PPID: variants seen among roughly 807,000 people sequenced by gnomAD.
PPID encodes the protein peptidylprolyl isomerase D.
PPID carries 47 observed loss-of-function variants against 48.1 expected under a neutral mutation model. The observed-to-expected ratio is 0.98, with a 90% CI of 0.77 to 1.25. The LOEUF (loss-of-function observed/expected upper bound fraction) is 1.25, where lower values mean the gene tolerates loss of function less well. Among genes scored for constraint, PPID ranks in the 50% most tolerant of loss-of-function variants. PPID has a pLI of 0.00. For synonymous variants in PPID, 163 were observed against 148.8 expected (o/e 1.10, Z -0.69); for missense variants, 429 against 443.5 (o/e 0.97, Z 0.29).
intron 3 of PPID, among the ~76,000 whole-genome samples, chr4:158,717,983 A>G (rs935243738): frequency 1.3e-5 from 2 of 152,076 alleles, no homozygotes; most frequent in Non-Finnish European, 2.9e-5. Flanking sequence ...ATGTTTCATG[A>G]CACCCCCCAC....
At chr4:158,721,716 C>G (rs1171540567) in intron 1 of PPID, among the ~76,000 whole-genome samples, 2 of 152,170 alleles carry the variant, frequency 1.3e-5, no homozygotes, top group African/African-American at 2.4e-5. Flanking sequence ...AATTAGGTCT[C>G]TCGTGATCAA....
At position 158,719,177 on chromosome 4, in the gene PPID, T is replaced by G. The variant is rs531562473; in HGVS notation, c.333+3A>C. ...GCAATAACATGCATTTTCTCTACTTTACCTTGTAATGGAAATTTTCATCTT... is the reference window on the plus strand; with the variant it reads ...GCAATAACATGCATTTTCTCTACTTGACCTTGTAATGGAAATTTTCATCTT... On this transcript the variant is annotated splice_donor_region_variant and intron_variant, in intron 3 of 9. Transcript: ENST00000307720. 2 of 1,551,210 alleles carry G rather than the reference T, an allele frequency of 1.3e-6. No individual in the cohort carries two copies. Among genetic ancestry groups the G allele is most frequent in the Non-Finnish European group, 1.8e-6 (2 of 1,124,428 alleles).
rs1242026192 is a variant in PPID at position 158,713,245 on chromosome 4, T to A, written c.768A>T (p.Ser256=). Reference sequence around the variant, plus strand: ...TATCTGCTGTCTCAATAACAGCCTTTGAACTGTCCACGTATCTGCAGAATG... The same window carrying A: ...TATCTGCTGTCTCAATAACAGCCTTAGAACTGTCCACGTATCTGCAGAATG... ...YAEVLRYVDS[S]KAVIETADRA... is the part of the protein sequence containing the mutation. Residue 256 remains serine, a synonymous_variant, in exon 7 of 10, where the codon TCA becomes TCT. Coordinates refer to ENST00000307720, the MANE Select transcript of PPID (RefSeq NM_005038.3). The A allele has an allele frequency of 6.2e-7, 1 of 1,613,356 alleles. No individual in the cohort carries two copies. Among genetic ancestry groups the A allele is most frequent in the Non-Finnish European group, 8.5e-7 (1 of 1,179,798 alleles).
Position 158,713,743 on chromosome 4 carries a change from A to AT in PPID, c.753-484dup, listed in dbSNP as rs1350550671. On this transcript the variant is annotated intron_variant, in intron 6 of 9. Transcript: ENST00000307720. The stretch of plus-strand genomic sequence containing the variant: ...ATCAGAGGTCCTTGGAGAAACTGCC[A>AT]TATCAGATGTGAAAGTAAGGTAAGA... Among the ~76,000 whole-genome samples the AT allele has an allele frequency of 1.8e-4, 28 of 152,340 alleles. 1 individual carries two copies. Among genetic ancestry groups the AT allele is most frequent in the South Asian group, 1.2e-3 (6 of 4,824 alleles).
At chr4:158,716,957 TCAAAAAGATAG>T in intron 4 of PPID, 44 bp downstream of exon 4, 1 of 1,545,856 alleles carries the variant, frequency 6.5e-7, no homozygotes, top group Non-Finnish European at 8.9e-7. Context: ...AGACTCCGTC[TCAAAAAGATAG>T]CAACTAAGAT....
intron 2 of PPID, among the ~76,000 whole-genome samples, chr4:158,720,208 C>G (rs1774935180): frequency 6.6e-6 from 1 of 152,216 alleles, no homozygotes; most frequent in African/African-American, 2.4e-5. Flanking sequence ...GTACAAGTGT[C>G]AAGTTCCCAG....
chr4:158,717,096 A>G lies in PPID; in HGVS notation c.438T>C (p.His146=), dbSNP rs1432566041. The change falls in exon 4 of 10, where the codon CAT becomes CAC. Residue 146 remains histidine, a synonymous_variant. Coordinates refer to ENST00000307720, the MANE Select transcript of PPID (RefSeq NM_005038.3). The stretch of plus-strand genomic sequence containing the variant: ...CTTTAATTACTTGGCCAAACACCAC[A>G]TGTTTCCCATCCAAATGAGGAGTTG... ...TVPTPHLDGK[H]VVFGQVIKGI... 2 of 1,609,670 alleles carry G rather than the reference A, an allele frequency of 1.2e-6. No individual in the cohort carries two copies. Among genetic ancestry groups the G allele is most frequent in the African/African-American group, 2.7e-5 (2 of 74,786 alleles).
chr4:158,710,031 C>T (rs949768981), intron 9 of PPID: 2 of 551,306 alleles, frequency 3.6e-6, no homozygotes, highest in African/African-American at 3.8e-5. Context: ...TCAAGTACAT[C>T]AAGATTTGCC....
intron 6 of PPID, among the ~76,000 whole-genome samples, chr4:158,713,539 T>G (rs1774823368): frequency 1.3e-5 from 2 of 152,232 alleles, no homozygotes; most frequent in African/African-American, 4.8e-5. Flanking sequence ...CACTATGTAC[T>G]TTCCAACATA....
chr4:158,715,916 T>C (rs957273036), intron 4 of PPID, among the ~76,000 whole-genome samples: 1 of 152,136 alleles, frequency 6.6e-6, no homozygotes, highest in South Asian at 2.1e-4. Flanking sequence ...AGTTGGCAAT[T>C]TTATCATTGT....
chr4:158,721,355 G>A lies in PPID; in HGVS notation c.214C>T (p.Pro72Ser), dbSNP rs1410262229. The A allele has an allele frequency of 1.2e-6, 2 of 1,613,886 alleles. No individual in the cohort carries two copies. The highest frequency in any genetic ancestry group is 2.7e-5 in the African/African-American group (2 of 74,886). The part of the protein sequence containing the change: ...TGKPLHFKGC[P>S]FHRIIKKFMI... ...AATTTACACATACTTCGATGAAAAG[G>A]GCATCCTTTGAAATGGAGAGGTTTC... The change falls in exon 2 of 10, where the codon CCT (proline) becomes TCT (serine). Residue 72 changes from proline (P) to serine (S), a missense_variant. Transcript: ENST00000307720.
chr4:158,714,705 C>T (rs1774842040), intron 6 of PPID, among the ~76,000 whole-genome samples: 1 of 151,988 alleles, frequency 6.6e-6, no homozygotes, highest in South Asian at 2.1e-4. Flanking sequence ...ATTCTTGTGC[C>T]TCAGCCTCCC....
Position 158,723,337 on chromosome 4 carries a change from C to T in PPID, c.-49G>A. 1 of 1,556,958 alleles carries T rather than the reference C, an allele frequency of 6.4e-7. No individual in the cohort carries two copies. The highest frequency in any genetic ancestry group is 1.1e-5 in the South Asian group (1 of 89,158). On this transcript the variant is annotated 5_prime_UTR_variant, in exon 1 of 10. Transcript: ENST00000307720. ...ACGGAATATCAGAGTACCTAGTGGC[C>T]GCCCGGGCCGCCCAAACTCCAGAGT...
intron 6 of PPID, among the ~76,000 whole-genome samples, chr4:158,713,860 T>A (rs913324006): frequency 2.6e-5 from 4 of 152,004 alleles, no homozygotes; most frequent in Non-Finnish European, 4.4e-5. Flanking sequence ...CCTTTGGGCA[T>A]GAAAAAGAAT....
At chr4:158,722,051 CTTCAT>C (rs1774971860) in intron 1 of PPID, among the ~76,000 whole-genome samples, 1 of 152,168 alleles carries the variant, frequency 6.6e-6, no homozygotes, top group African/African-American at 2.4e-5. Context: ...GACATACAAA[CTTCAT>C]TTCCTTTGAA....
chr4:158,713,075 C>T, intron 7 of PPID, 44 bp downstream of exon 7: 1 of 1,597,734 alleles, frequency 6.3e-7, no homozygotes, highest in Non-Finnish European at 8.6e-7. Flanking sequence ...CAAACTAAGT[C>T]TTAATCCAAC....
At position 158,721,443 on chromosome 4, in the gene PPID, G is replaced by A; in HGVS notation, c.126C>T (p.Pro42=). ...GTGCACGAAAATTTTCCGCAGTTTT[G>A]GGTACGATATCTGCAAACAATTCTA... The part of the protein sequence containing the change: ...IVLELFADIV[P]KTAENFRALC... The change falls in exon 2 of 10, where the codon CCC becomes CCT. Residue 42 remains proline (P), a synonymous_variant. Coordinates refer to ENST00000307720, the MANE Select transcript of PPID (RefSeq NM_005038.3). 1 of 1,614,012 alleles carries A rather than the reference G, an allele frequency of 6.2e-7. No individual in the cohort carries two copies. Among genetic ancestry groups the A allele is most frequent in the South Asian group, 1.1e-5 (1 of 91,080 alleles).
intron 2 of PPID, 134 bp downstream of exon 2, chr4:158,721,209 C>G (rs1017097488): frequency 9.6e-7 from 1 of 1,046,518 alleles, no homozygotes; most frequent in African/African-American, 1.6e-5. Context: ...TACGAAACTG[C>G]GTTACTGCCT....
chr4:158,719,667 T>G (rs1774926513), intron 2 of PPID, among the ~76,000 whole-genome samples: 1 of 152,226 alleles, frequency 6.6e-6, no homozygotes, highest in African/African-American at 2.4e-5. Flanking sequence ...CCAACTGTAT[T>G]GTTTTACATC....
Sources: allele counts gnomAD v4.1 joint callset (sites outside exome capture counted in the v4.1 genomes callset), GRCh38; gene constraint gnomAD v4.1.1; transcripts MANE v1.5; gene names NCBI Gene and HGNC (gene_info 2026-07-23, HGNC 2026-07-21).